Variants in ARID1B observed in about 807,000 individuals in gnomAD.
ARID1B encodes the protein AT-rich interactive domain-containing protein 1B.
A neutral mutation model predicts 212.3 loss-of-function variants in ARID1B; 30 were observed. That is an observed-to-expected ratio of 0.14 (90% CI 0.11 to 0.19). The LOEUF is 0.19. ARID1B is among the 10% of genes least tolerant of loss of function. ARID1B has a pLI of 1.00. For missense variants in ARID1B, 2,891 were observed against 3,204.0 expected (o/e 0.90, Z 2.36); for synonymous variants, 1,402 against 1,301.7 (o/e 1.08, Z -1.66).
rs1794218895 is a variant in ARID1B at position 157,203,091 on chromosome 6, G to A, written c.5264-775G>A. Among the ~76,000 whole-genome samples, 2 of 152,070 alleles carry A rather than the reference G, an allele frequency of 1.3e-5. No individual in the cohort carries two copies. ...GATAAAATAAAAGTGGAAAAGCCAC[G>A]GTGTCTCCCCCTCATGCAATGATTC... On this transcript the variant is annotated intron_variant, in intron 18 of 19. Transcript: ENST00000636930. This position sits in a 1 kb window ranked among gnomAD's most constrained non-coding sequence, Gnocchi z 4.4.
rs149787439 is a variant in ARID1B at position 157,164,013 on chromosome 6, C to T, written c.3090-3027C>T. On this transcript the variant is annotated intron_variant, in intron 8 of 19. Transcript: ENST00000636930. ...TTATTAATATATGAGCATAATTCCA[C>T]CTACCTTCCTCCAGGAATCTAAAAC... is the stretch of plus-strand genomic sequence containing the variant. 3.0e-3 allele frequency among the ~76,000 whole-genome samples: 462 copies of T among 152,348 alleles called. 6 individuals carry two copies. The highest frequency in any genetic ancestry group is 0.011 in the African/African-American group (438 of 41,566).
intron 5 of ARID1B, among the ~76,000 whole-genome samples, chr6:157,093,621 T>C (rs1424148869): frequency 1.3e-5 from 2 of 152,264 alleles, no homozygotes; most frequent in Non-Finnish European, 2.9e-5. Flanking sequence ...ATTGTTAATG[T>C]TGATATTCTC....
intron 15 of ARID1B, chr6:157,193,374 G>A (rs1554233783): frequency 6.6e-6 from 1 of 151,840 alleles, no homozygotes; most frequent in African/African-American, 2.4e-5. Context: ...TTTTTTTTTA[G>A]TTTACTGAGT....
intron 2 of ARID1B, among the ~76,000 whole-genome samples, chr6:156,897,826 T>C (rs1246470445): frequency 1.3e-5 from 2 of 152,112 alleles, no homozygotes; most frequent in Admixed American, 6.5e-5. Flanking sequence ...CAGATTTGGG[T>C]AGTTCAAGAG....
intron 2 of ARID1B, among the ~76,000 whole-genome samples, chr6:156,891,160 T>C (rs1787894592): frequency 6.6e-6 from 1 of 152,236 alleles, no homozygotes; most frequent in African/African-American, 2.4e-5. Context: ...CAGCTTAGCA[T>C]CTGAATTTCT....
rs543520814 is a variant in ARID1B at position 157,100,394 on chromosome 6, G to A, written c.2492-10078G>A. 7.4e-4 allele frequency among the ~76,000 whole-genome samples: 112 copies of A among 152,290 alleles called. 1 individual carries two copies. The highest frequency in any genetic ancestry group is 2.4e-3 in the African/African-American group (100 of 41,556). ...AAACTGTTAACCGGAACCACTAAGC[G>A]GAAGCCTGAGCAGATTCTGTATTTC... is the stretch of plus-strand genomic sequence containing the variant. On this transcript the variant is annotated intron_variant, in intron 5 of 19. Coordinates refer to ENST00000636930, the MANE Select transcript of ARID1B (RefSeq NM_001374828.1).
At chr6:156,947,154 G>T (rs897569670) in intron 4 of ARID1B, among the ~76,000 whole-genome samples, 1 of 152,186 alleles carries the variant, frequency 6.6e-6, no homozygotes, top group Admixed American at 6.5e-5. Flanking sequence ...CTGTAGTTCA[G>T]TTGGGACTCA....
intron 4 of ARID1B, among the ~76,000 whole-genome samples, chr6:157,035,335 A>G (rs1241618132): frequency 6.6e-6 from 1 of 152,218 alleles, no homozygotes; most frequent in Admixed American, 6.5e-5. Flanking sequence ...TTCACAAGCA[A>G]ATGTCATACG....
rs564378605 is a variant in ARID1B at position 157,143,728 on chromosome 6, C to T, written c.2762-4896C>T. On this transcript the variant is annotated intron_variant, in intron 7 of 19. Coordinates refer to ENST00000636930, the MANE Select transcript of ARID1B (RefSeq NM_001374828.1). ...AAGCCTGTGCTTTATCCATTGTTGC[C>T]TTTTAAACCGTTTTAAGCCTTTAGA... 3.9e-5 allele frequency among the ~76,000 whole-genome samples: 6 copies of T among 152,288 alleles called. No homozygotes were observed. The South Asian group carries it at 1.0e-3, about 26-fold the overall frequency.
rs763687270 is a variant in ARID1B at position 157,209,865 on chromosome 6, C to T, written c.*1974C>T. 4.3e-6 allele frequency: 1 copy of T among 233,088 alleles called. No individual in the cohort carries two copies. Among genetic ancestry groups the T allele is most frequent in the African/African-American group, 2.2e-5 (1 of 45,334 alleles). 14.4% of individuals were successfully genotyped at this position (233,088 alleles called of 1,614,324 possible). On this transcript the variant is annotated 3_prime_UTR_variant, in exon 20 of 20. Coordinates refer to ENST00000636930, the MANE Select transcript of ARID1B (RefSeq NM_001374828.1). The stretch of plus-strand genomic sequence containing the variant: ...TAATTTAAACTTTCTCTTCCTGGGT[C>T]ATTGACTGTTACTGTGTAATAATCG...
chr6:156,837,520 G>C (rs537680338), intron 2 of ARID1B, among the ~76,000 whole-genome samples: 1 of 152,036 alleles, frequency 6.6e-6, no homozygotes, highest in African/African-American at 2.4e-5. Flanking sequence ...TTTTTCTAAA[G>C]GTAAAAAGTT....
intron 4 of ARID1B, among the ~76,000 whole-genome samples, chr6:157,018,461 G>A (rs1003243496): frequency 1.3e-5 from 2 of 151,896 alleles, no homozygotes; most frequent in African/African-American, 2.4e-5. Context: ...TGATCCTTCC[G>A]CCTTGCCCTC....
chr6:156,949,520 C>T (rs933964812), intron 4 of ARID1B, among the ~76,000 whole-genome samples: 1 of 152,128 alleles, frequency 6.6e-6, no homozygotes, highest in African/African-American at 2.4e-5. Flanking sequence ...TCAGGGCTGC[C>T]GGTGCACCAC....
Position 157,174,876 on chromosome 6 carries a change from G to A in ARID1B, c.3375G>A (p.Gln1125=). The A allele has an allele frequency of 6.5e-7, 1 of 1,547,538 alleles. No homozygotes were observed. Among genetic ancestry groups the A allele is most frequent in the South Asian group, 1.2e-5 (1 of 82,688 alleles). The change falls in exon 11 of 20, where the codon CAG becomes CAA. Residue 1125 remains glutamine, a synonymous_variant. Coordinates refer to ENST00000636930, the MANE Select transcript of ARID1B (RefSeq NM_001374828.1). ...KDSYSSQGIS[Q]PPTPGNLPVP... Reference sequence around the variant, plus strand: ...GCTACAGCTCTCAGGGTATTTCTCAGCCCCCAACCCCAGGCAACCTGCCAG... The same window carrying A: ...GCTACAGCTCTCAGGGTATTTCTCAACCCCCAACCCCAGGCAACCTGCCAG...
chr6:157,004,890 C>CTTTTTTGTTTTTTTTTTTTTTTTT lies in ARID1B; in HGVS notation c.2247+69320_2247+69321insGTTTTTTTTTTTTTTTTTTTTTTT, dbSNP rs1779118895. Among the ~76,000 whole-genome samples, 22 of 35,692 alleles carry CTTTTTTGTTTTTTTTTTTTTTTTT rather than the reference C, an allele frequency of 6.2e-4. 5 individuals carry two copies. Among genetic ancestry groups the CTTTTTTGTTTTTTTTTTTTTTTTT allele is most frequent in the African/African-American group, 8.4e-4 (13 of 15,398 alleles). The allele number at this position is 35,692 out of a possible 152,430, so 23.4% of individuals were successfully genotyped here. ...GCATTTCTTTTTTCTTTTTCTTCTT[C>CTTTTTTGTTTTTTTTTTTTTTTTT]TTTTTTCTTTTTTTTTTTTTTTTTT... On this transcript the variant is annotated intron_variant, in intron 4 of 19. Coordinates refer to ENST00000636930, the MANE Select transcript of ARID1B (RefSeq NM_001374828.1).
At chr6:157,048,051 G>C (rs1245595066) in intron 4 of ARID1B, among the ~76,000 whole-genome samples, 1 of 152,176 alleles carries the variant, frequency 6.6e-6, no homozygotes, top group Non-Finnish European at 1.5e-5. Context: ...GCACTGCCAA[G>C]TTTTAAAGCA....
chr6:157,001,729 A>G (rs1032900380), intron 4 of ARID1B, among the ~76,000 whole-genome samples: 1 of 152,224 alleles, frequency 6.6e-6, no homozygotes, highest in Non-Finnish European at 1.5e-5. Flanking sequence ...AGCATTTAAG[A>G]TGCAGTTGTC....
At chr6:156,812,044 A>T (rs1333420697) in intron 1 of ARID1B, among the ~76,000 whole-genome samples, 1 of 152,252 alleles carries the variant, frequency 6.6e-6, no homozygotes, top group Non-Finnish European at 1.5e-5. Flanking sequence ...TGCTGTGTGT[A>T]AATCACCTAT....
chr6:157,069,885 G>A (rs924890285), intron 4 of ARID1B, among the ~76,000 whole-genome samples: 1 of 152,182 alleles, frequency 6.6e-6, no homozygotes, highest in African/African-American at 2.4e-5. Context: ...CGGCATTCCA[G>A]CGTCCTAGCC....
Sources: allele counts gnomAD v4.1 joint callset (sites outside exome capture counted in the v4.1 genomes callset), GRCh38; gene constraint gnomAD v4.1.1; non-coding constraint Gnocchi (gnomAD v3.1); transcripts MANE v1.5; gene names NCBI Gene and HGNC (gene_info 2026-07-23, HGNC 2026-07-21).